FCN2: variants seen among roughly 807,000 people sequenced by gnomAD.
The protein encoded by FCN2 is ficolin-2.
In FCN2, 31 loss-of-function variants were observed where a neutral mutation model predicts 32.5. The ratio of observed to expected loss-of-function variants is 0.96; its 90% CI spans 0.72 to 1.29. The LOEUF (loss-of-function observed/expected upper bound fraction) is 1.29, where lower values mean the gene tolerates loss of function less well. Ranked by LOEUF, FCN2 falls within the 50% of genes most tolerant of loss-of-function variation. The pLI is 0.00. For synonymous variants in FCN2, 181 were observed against 164.5 expected (o/e 1.10, Z -0.77); for missense variants, 412 against 406.5 (o/e 1.01, Z -0.12).
intron 7 of FCN2, 106 bp downstream of exon 7, chr9:134,886,670 C>T: frequency 1.5e-6 from 2 of 1,324,914 alleles, no homozygotes; most frequent in South Asian, 2.6e-5. Context: ...GGCCTCACCT[C>T]TCTGAGCCAA....
At chr9:134,883,159 C>T in intron 2 of FCN2, 143 bp from the exon 3 acceptor site, 1 of 774,512 alleles carries the variant, frequency 1.3e-6, no homozygotes, top group South Asian at 1.4e-5. Context: ...GCAGGATGGG[C>T]AAGCCTGGGC....
upstream of FCN2, among the ~76,000 whole-genome samples, chr9:134,876,193 TATC>T (rs1398636206): frequency 2.0e-5 from 3 of 152,244 alleles, no homozygotes; most frequent in Non-Finnish European, 4.4e-5. Context: ...AAAATTGTGG[TATC>T]TATGTTCATG....
At chr9:134,879,881 G>T (rs182447643), upstream of FCN2, among the ~76,000 whole-genome samples, 90 of 152,280 alleles carry the variant, frequency 5.9e-4, 1 homozygote, top group East Asian at 0.012. Flanking sequence ...TGCAGTGCTG[G>T]TTCCGTCTCT....
the FCN2 span, among the ~76,000 whole-genome samples, chr9:134,873,843 C>G: frequency 6.6e-6 from 1 of 151,932 alleles, no homozygotes; most frequent in African/African-American, 2.4e-5. Context: ...ATTCCCTTAA[C>G]ACAGTCTTTT....
Position 134,887,307 on chromosome 9 carries a change from C to T in FCN2, c.834C>T (p.Arg278=). Residue 278 remains arginine, a synonymous_variant, in exon 8 of 8, where the codon CGC becomes CGT. Coordinates refer to ENST00000291744, the MANE Select transcript of FCN2 (RefSeq NM_004108.3). ...GCCATGTGTCAAACCTGAATGGTCGCTACCTCAGGGGGACTCATGGCAGCT... is the reference window on the plus strand; with the variant it reads ...GCCATGTGTCAAACCTGAATGGTCGTTACCTCAGGGGGACTCATGGCAGCT... ...KNCHVSNLNG[R]YLRGTHGSFA... is the part of the protein sequence containing the mutation. 6.2e-7 allele frequency: 1 copy of T among 1,614,204 alleles called. No homozygotes were observed. The highest frequency in any genetic ancestry group is 8.5e-7 in the Non-Finnish European group (1 of 1,180,030).
chr9:134,879,256 C>T (rs1315154261), upstream of FCN2, among the ~76,000 whole-genome samples: 1 of 152,196 alleles, frequency 6.6e-6, no homozygotes, highest in East Asian at 1.9e-4. Flanking sequence ...TCCAATAGGC[C>T]AGATTCTCTT....
upstream of FCN2, among the ~76,000 whole-genome samples, chr9:134,877,450 G>T (rs533375514): frequency 2.0e-5 from 3 of 152,152 alleles, no homozygotes; most frequent in Non-Finnish European, 4.4e-5. Flanking sequence ...GGATTTTCTA[G>T]ACACCTTTCT....
chr9:134,885,999 G>C (rs1830749064), intron 6 of FCN2, 102 bp downstream of exon 6: 1 of 1,263,886 alleles, frequency 7.9e-7, no homozygotes, highest in East Asian at 2.4e-5. Flanking sequence ...TTGGCCCACA[G>C]GGGATTGGGC....
At chr9:134,880,065 CA>C (rs1348945845), upstream of FCN2, among the ~76,000 whole-genome samples, 1 of 152,112 alleles carries the variant, frequency 6.6e-6, no homozygotes, top group Non-Finnish European at 1.5e-5. Flanking sequence ...CCTCAGGGCT[CA>C]GGGGGTTCCC....
the FCN2 span, among the ~76,000 whole-genome samples, chr9:134,871,271 A>T: frequency 1.3e-5 from 2 of 152,020 alleles, no homozygotes; most frequent in African/African-American, 4.8e-5. Context: ...TTGGCCACTG[A>T]GTGTGGTTTT....
Position 134,885,840 on chromosome 9 carries a change from A to G in FCN2, c.502A>G (p.Ser168Gly). Reference sequence around the variant, plus strand: ...GGCCACGTACAAGCAGGGCTTCGGCAGTCGGCTGGGGGAGTTCTGGCTGGG... The same window carrying G: ...GGCCACGTACAAGCAGGGCTTCGGCGGTCGGCTGGGGGAGTTCTGGCTGGG... ...DWATYKQGFGSRLGEFWLGND... is the reference protein window; with the variant it reads ...DWATYKQGFGGRLGEFWLGND... The change falls in exon 6 of 8, where the codon AGT (serine) becomes GGT (glycine). Residue 168 changes from serine to glycine, a missense_variant. By Grantham distance (56) the Ser-to-Gly change is moderately conservative. Coordinates refer to ENST00000291744, the MANE Select transcript of FCN2 (RefSeq NM_004108.3). 6.2e-7 allele frequency: 1 copy of G among 1,613,814 alleles called. No homozygotes were observed. The highest frequency in any genetic ancestry group is 8.5e-7 in the Non-Finnish European group (1 of 1,179,908).
chr9:134,886,307 T>C, intron 6 of FCN2, 123 bp from the exon 7 acceptor site: 1 of 1,164,144 alleles, frequency 8.6e-7, no homozygotes, highest in Non-Finnish European at 1.3e-6. Context: ...GATGCTGCGG[T>C]GCTCTCCGCC....
rs374449142 is a variant in FCN2, at chr9:134,883,438, G to A, written c.268+83G>A. 1.7e-4 allele frequency: 207 copies of A among 1,245,078 alleles called. 2 individuals carry two copies. The South Asian group carries it at 1.9e-3, about 12-fold the overall frequency. 77.1% of individuals were successfully genotyped at this position (1,245,078 alleles called of 1,614,324 possible). A position where few individuals can be genotyped will look rare whatever the true frequency, so the allele number is the denominator to read the frequency against. ...AGGAACGTGAGGCGGGTCTTCTGGG[G>A]CTGCCACGCTGTCCTCGCCAGAGCC... On this transcript the variant is annotated intron_variant, in intron 3 of 7. Coordinates refer to ENST00000291744, the MANE Select transcript of FCN2 (RefSeq NM_004108.3).
At chr9:134,877,997 T>C (rs1830617898), upstream of FCN2, among the ~76,000 whole-genome samples, 1 of 152,154 alleles carries the variant, frequency 6.6e-6, no homozygotes, top group African/African-American at 2.4e-5. Context: ...TCTCATCAGC[T>C]GTCAGTGAAT....
intron 3 of FCN2, among the ~76,000 whole-genome samples, chr9:134,883,960 G>A (rs1201224310): frequency 7.1e-6 from 1 of 140,996 alleles, no homozygotes; most frequent in Non-Finnish European, 1.6e-5. Flanking sequence ...CCTCTAATGT[G>A]GAAGTGGTCT....
Position 134,887,224 on chromosome 9 carries a change from G to T in FCN2, c.751G>T (p.Asp251Tyr). The change falls in exon 8 of 8, where the codon GAT (aspartate) becomes TAT (tyrosine). Residue 251 changes from aspartate to tyrosine, a missense_variant. Transcript: ENST00000291744. ...QSFSTKDQDN[D>Y]LNTGNCAVMF... ...CTTCTCCACCAAAGACCAGGACAAT[G>T]ATCTTAACACCGGAAATTGTGCTGT... The T allele has an allele frequency of 6.2e-7, 1 of 1,614,168 alleles. No individual in the cohort carries two copies. Among genetic ancestry groups the T allele is most frequent in the South Asian group, 1.1e-5 (1 of 91,082 alleles).
the FCN2 span, among the ~76,000 whole-genome samples, chr9:134,866,925 C>A: frequency 1.5e-5 from 2 of 132,868 alleles, no homozygotes; most frequent in African/African-American, 6.0e-5. Flanking sequence ...AAATGCAAAT[C>A]AAAACCACAA....
At chr9:134,864,754 G>GGCCC in the FCN2 span, among the ~76,000 whole-genome samples, 1 of 152,202 alleles carries the variant, frequency 6.6e-6, no homozygotes, top group African/African-American at 2.4e-5. Context: ...CAGCACGCCA[G>GGCCC]GCCCGGTACT....
At chr9:134,875,240 G>GAC in the FCN2 span, among the ~76,000 whole-genome samples, 1,089 of 152,304 alleles carry the variant, frequency 7.2e-3, 60 homozygotes, top group East Asian at 0.15. Context: ...GGTGGGAGTG[G>GAC]ACACCTTCTC....
Sources: gnomAD v4.1 joint callset for allele counts (sites outside exome capture counted in the v4.1 genomes callset) on GRCh38, gnomAD v4.1.1 for gene constraint, MANE v1.5 for transcripts, NCBI Gene and HGNC (gene_info 2026-07-23, HGNC 2026-07-21) for gene names.